Variants in AGRN observed in about 807,000 individuals in gnomAD.
AGRN encodes agrin, also known as agrin proteoglycan.
In AGRN, 106 loss-of-function variants were observed where a neutral mutation model predicts 211.0. That is an observed-to-expected ratio of 0.50 (90% CI 0.43 to 0.59). The LOEUF (loss-of-function observed/expected upper bound fraction) is 0.59. Among genes scored for constraint, AGRN ranks in the 20% least tolerant of loss-of-function variants. The probability of loss-of-function intolerance (pLI) is 0.00; values close to 1 mark genes in which losing one functional copy is unlikely to be tolerated. For missense variants in AGRN, 3,040 were observed against 2,982.6 expected, an observed-to-expected ratio of 1.02 and a Z score of -0.45; for synonymous variants, 1,525 against 1,332.5, an observed-to-expected ratio of 1.14 and a Z score of -3.15.
chr1:1,050,070 GGGGGGGGGTTGAACGTTT>G, intron 27 of AGRN, 33 bp downstream of exon 27: 1 of 1,297,504 alleles, frequency 7.7e-7, no homozygotes, highest in Non-Finnish European at 1.1e-6. Flanking sequence ...GGCAGGGGGG[GGGGGGGGGTTGAACGTTT>G]GGGCGGGTAC....
chr1:1,055,682 C>T lies in AGRN; in HGVS notation c.*701C>T, dbSNP rs1044291076. ...GCTCACTGTGGGATGGGGTTGACCTCTGCCGCCTGCCTGGGTATCTGGGCC... is the reference window on the plus strand; with the variant it reads ...GCTCACTGTGGGATGGGGTTGACCTTTGCCGCCTGCCTGGGTATCTGGGCC... On this transcript the variant is annotated 3_prime_UTR_variant, in exon 36 of 36. Transcript: ENST00000379370. 1 of 155,942 alleles carries T rather than the reference C, an allele frequency of 6.4e-6. No homozygotes were observed. The highest frequency in any genetic ancestry group is 2.4e-5 in the African/African-American group (1 of 41,484). 9.7% of individuals were successfully genotyped at this position (155,942 alleles called of 1,614,324 possible).
chr1:1,029,604 C>T (rs948472922), intron 2 of AGRN, among the ~76,000 whole-genome samples: 3 of 145,764 alleles, frequency 2.1e-5, no homozygotes, highest in African/African-American at 8.2e-5. Flanking sequence ...TGTGTGTGTG[C>T]AGTGCATGGT....
rs1248736338 is a variant in AGRN, at chr1:1,049,314, G to A, written c.4377G>A (p.Leu1459=). Residue 1459 remains leucine, a synonymous_variant, in exon 25 of 36, where the codon CTG becomes CTA. Coordinates refer to ENST00000379370, the MANE Select transcript of AGRN (RefSeq NM_198576.4). ...VEPGQWHRLE[L]SRHWRRGTLS... ...CGGGCCAGTGGCACCGCCTGGAGCT[G>A]TCCCGGCACTGGCGCCGGGGCACCC... 1.3e-6 allele frequency: 2 copies of A among 1,597,772 alleles called. No individual in the cohort carries two copies. The highest frequency in any genetic ancestry group is 1.7e-6 in the Non-Finnish European group (2 of 1,179,238).
At chr1:1,050,084 C>T (rs1442218241) in intron 27 of AGRN, 47 bp downstream of exon 27, 8 of 1,533,818 alleles carry the variant, frequency 5.2e-6, no homozygotes, top group South Asian at 1.2e-5. Context: ...GGGGGTTGAA[C>T]GTTTGGGCGG....
Position 1,041,670 on chromosome 1 carries a change from A to G in AGRN, c.1145A>G (p.Gln382Arg), listed in dbSNP as rs1553174830. Residue 382 changes from glutamine (Q) to arginine (R), a missense_variant, in exon 6 of 36, where the codon CAG (glutamine) becomes CGG (arginine). Around this residue, in one of 3 missense-constraint regions of AGRN, gnomAD observed 1,498 missense variants for 1,457.8 expected, o/e 1.03. Coordinates refer to ENST00000379370, the MANE Select transcript of AGRN (RefSeq NM_198576.4). ...GGGGCCGCCCGGGGTCTCCTCCTGC[A>G]GAAAGTGCGCTCCGGCCAGTGCCAG... ...RSGAARGLLL[Q>R]KVRSGQCQGR... 6.2e-7 allele frequency: 1 copy of G among 1,610,738 alleles called. No homozygotes were observed. The highest frequency in any genetic ancestry group is 8.5e-7 in the Non-Finnish European group (1 of 1,179,098).
chr1:1,044,733 G>A (rs575758614), intron 12 of AGRN, among the ~76,000 whole-genome samples: 1 of 152,302 alleles, frequency 6.6e-6, no homozygotes, highest in East Asian at 1.9e-4. Flanking sequence ...CCATCCGGTC[G>A]ATGTATCACA....
In AGRN at chr1:1,049,707, C is replaced by T. The variant is rs1000305576; in HGVS notation, c.4656C>T (p.Pro1552=). 6.3e-6 allele frequency: 10 copies of T among 1,579,138 alleles called. No individual in the cohort carries two copies. Among genetic ancestry groups the T allele is most frequent in the Non-Finnish European group, 8.6e-6 (10 of 1,164,060 alleles). The change falls in exon 26 of 36, where the codon CCC becomes CCT. Residue 1552 remains proline (P), a synonymous_variant. Coordinates refer to ENST00000379370, the MANE Select transcript of AGRN (RefSeq NM_198576.4). ...GSGVGECGDH[P]CLPNPCHGGA... ...GCGTGGGCGAGTGCGGGGACCACCC[C>T]TGCCTGCCCAACCCCTGCCATGGCG...
Position 1,043,831 on chromosome 1 carries a change from G to C in AGRN, c.1807G>C (p.Gly603Arg), listed in dbSNP as rs1298122116. ...GGCTCTGTCTCCTGCAGAGACCTGTGGAGATGCCGTGTGTGCTTTTGGGGC... is the reference window on the plus strand; with the variant it reads ...GGCTCTGTCTCCTGCAGAGACCTGTCGAGATGCCGTGTGTGCTTTTGGGGC... ...VASAGPCETC[G>R]DAVCAFGAVC... Residue 603 changes from glycine to arginine, a missense_variant, in exon 10 of 36, where the codon GGA becomes CGA. Transcript: ENST00000379370. 1 of 1,611,142 alleles carries C rather than the reference G, an allele frequency of 6.2e-7. No individual in the cohort carries two copies. Among genetic ancestry groups the C allele is most frequent in the Non-Finnish European group, 8.5e-7 (1 of 1,179,858 alleles).
In AGRN at chr1:1,042,035, C is replaced by T; in HGVS notation, c.1257C>T (p.Val419=). Residue 419 remains valine (V), a synonymous_variant, in exon 7 of 36, where the codon GTC becomes GTT. Coordinates refer to ENST00000379370, the MANE Select transcript of AGRN (RefSeq NM_198576.4). ...GTCCCCGCTGCTCCTGCGACCGCGT[C>T]ACCTGTGACGGGGCCTACAGGCCCG... ...RGRPRCSCDR[V]TCDGAYRPVC... 1 of 1,610,090 alleles carries T rather than the reference C, an allele frequency of 6.2e-7. No homozygotes were observed. The highest frequency in any genetic ancestry group is 8.5e-7 in the Non-Finnish European group (1 of 1,179,660).
chr1:1,022,909 C>T (rs970750711), intron 2 of AGRN, among the ~76,000 whole-genome samples: 7 of 152,360 alleles, frequency 4.6e-5, no homozygotes, highest in Non-Finnish European at 8.8e-5. Context: ...AGGGCTTCTG[C>T]GGATGTGGAG....
rs373770321 is a variant in AGRN at position 1,043,354 on chromosome 1, T to C, written c.1500T>C (p.Pro500=). The C allele has an allele frequency of 2.6e-4, 413 of 1,610,690 alleles. 7 individuals are homozygous for C. The South Asian group carries it at 4.2e-3, about 16-fold the overall frequency. ...AGGCGTGCTCGAGCCTCTACGATCC[T>C]GTGTGCGGCAGCGACGGCGTCACAT... ...CLQACSSLYD[P]VCGSDGVTYG... Residue 500 remains proline (P), a synonymous_variant, in exon 8 of 36, where the codon CCT becomes CCC. Transcript: ENST00000379370.
chr1:1,050,070 G>GCA (rs757171857), intron 27 of AGRN, 33 bp downstream of exon 27: 1 of 1,297,504 alleles, frequency 7.7e-7, no homozygotes, highest in Non-Finnish European at 1.1e-6. Context: ...GGCAGGGGGG[G>GCA]GGGGGGGGTT....
At position 1,048,274 on chromosome 1, in the gene AGRN, C is replaced by T. The variant is rs1209787795; in HGVS notation, c.4014C>T (p.Cys1338=). Residue 1338 remains cysteine (C), a synonymous_variant, in exon 23 of 36, where the codon TGC becomes TGT. Transcript: ENST00000379370. The surrounding 1 kb of genome is among the most constrained non-coding windows in gnomAD (Gnocchi z 5.9). The part of the protein sequence containing the change: ...QPPKPCDSQP[C]FHGGTCQDWA... ...CAAAGCCCTGTGACTCACAGCCCTG[C>T]TTCCACGGGGGGACCTGCCAGGACT... is the stretch of plus-strand genomic sequence containing the variant. The T allele has an allele frequency of 1.3e-6, 2 of 1,529,752 alleles. No homozygotes were observed. Among genetic ancestry groups the T allele is most frequent in the Non-Finnish European group, 1.8e-6 (2 of 1,134,736 alleles). 94.8% of individuals were successfully genotyped at this position (1,529,752 alleles called of 1,614,324 possible).
Position 1,048,058 on chromosome 1 carries a change from TGCG to T in AGRN, c.3800_3802del (p.Ala1267del). 6.3e-7 allele frequency: 1 copy of T among 1,585,294 alleles called. No individual in the cohort carries two copies. ...CGGGGGCCACGTCAGGAGCCATTGCTGCGGGAGCCACGGCCAGAGCCACCACTG... is the reference window on the plus strand; with the variant it reads ...CGGGGGCCACGTCAGGAGCCATTGCTGGAGCCACGGCCAGAGCCACCACTG... On this transcript the variant is annotated inframe_deletion, in exon 23 of 36. Coordinates refer to ENST00000379370, the MANE Select transcript of AGRN (RefSeq NM_198576.4). The surrounding 1 kb of genome is among the most constrained non-coding windows in gnomAD (Gnocchi z 5.9).
In AGRN at chr1:1,047,654, G is replaced by A. The variant is rs755901578; in HGVS notation, c.3598G>A (p.Val1200Ile). 13 of 1,613,082 alleles carry A rather than the reference G, an allele frequency of 8.1e-6. No individual in the cohort carries two copies. The Admixed American group carries it at 1.0e-4, about 12-fold the overall frequency. ...GCGGGACCTGGGGCCCGGCAAATCC[G>A]TCCGCGCCATTGTGGATGTGCACTT... The part of the protein sequence containing the change: ...RLRDLGPGKS[V>I]RAIVDVHFDP... The change falls in exon 21 of 36, where the codon GTC becomes ATC. Residue 1200 changes from valine (V) to isoleucine (I), a missense_variant. Val to Ile is a conservative substitution (Grantham distance 29). Transcript: ENST00000379370.
rs368144442 is a variant in AGRN at position 1,022,244 on chromosome 1, G to T, written c.245G>T (p.Arg82Leu). The T allele has an allele frequency of 6.2e-7, 1 of 1,613,172 alleles. No individual in the cohort carries two copies. The highest frequency in any genetic ancestry group is 1.3e-5 in the African/African-American group (1 of 75,050). ...TTGAAGGGCAAAGACCTGGTGGCCC[G>T]GGAGAGCCTGCTGGACGGCGGCAAC... is the stretch of plus-strand genomic sequence containing the variant. The part of the protein sequence containing the change: ...RYLKGKDLVA[R>L]ESLLDGGNKV... The change falls in exon 2 of 36, where the codon CGG (arginine) becomes CTG (leucine). Residue 82 changes from arginine to leucine, a missense_variant. By Grantham distance (102) the Arg-to-Leu change is moderately radical. Transcript: ENST00000379370.
rs778573221 is a variant in AGRN at position 1,043,629 on chromosome 1, C to T, written c.1695C>T (p.Pro565=). The T allele has an allele frequency of 6.5e-5, 105 of 1,603,546 alleles. No homozygotes were observed. Among genetic ancestry groups the T allele is most frequent in the Admixed American group, 2.0e-4 (12 of 59,990 alleles). ...CTGAATGCGTGGCTTTGGCCCAGCC[C>T]GTGTGTGGCTCCGACGGGCACACGT... is the stretch of plus-strand genomic sequence containing the variant. The part of the protein sequence containing the change: ...CPSECVALAQ[P]VCGSDGHTYP... Residue 565 remains proline, a synonymous_variant, in exon 9 of 36, where the codon CCC becomes CCT. Transcript: ENST00000379370.
chr1:1,045,687 C>G (rs754489395), intron 14 of AGRN, 46 bp from the exon 15 acceptor site: 35 of 1,612,658 alleles, frequency 2.2e-5, no homozygotes, highest in Non-Finnish European at 2.5e-5. Context: ...GGTGGGGAAG[C>G]CCGTCCAGGT....
At chr1:1,037,882 G>T (rs1040416437) in intron 3 of AGRN, among the ~76,000 whole-genome samples, 3 of 152,242 alleles carry the variant, frequency 2.0e-5, no homozygotes, top group Admixed American at 6.5e-5. Context: ...GGGTACGTGC[G>T]TGTGTGCCAT....
Sources: gnomAD v4.1 joint callset for allele counts (sites outside exome capture counted in the v4.1 genomes callset) on GRCh38, gnomAD v4.1.1 for gene constraint, gnomAD v4.1.1 regional missense constraint, Gnocchi (gnomAD v3.1) non-coding constraint, MANE v1.5 for transcripts, NCBI Gene and HGNC (gene_info 2026-07-23, HGNC 2026-07-21) for gene names.